ATP8A2: variants seen among roughly 807,000 people sequenced by gnomAD.
ATP8A2 encodes the protein ATPase phospholipid transporting 8A2, also known as phospholipid-transporting ATPase IB.
In ATP8A2, 100 loss-of-function variants were observed where a neutral mutation model predicts 165.6. The observed-to-expected ratio is 0.60, with a 90% confidence interval of 0.51 to 0.71. The LOEUF is 0.71. Ranked by LOEUF, ATP8A2 falls within the 30% of genes least tolerant of loss-of-function variation. ATP8A2 has a pLI of 0.00. For missense variants in ATP8A2, 1,227 were observed against 1,479.5 expected (o/e 0.83, Z 2.80); for synonymous variants, 543 against 548.8 (o/e 0.99, Z 0.15).
Position 25,563,960 on chromosome 13 carries a change from A to T in ATP8A2, c.1402A>T (p.Met468Leu), listed in dbSNP as rs1426292345. Residue 468 changes from methionine to leucine, a missense_variant, in exon 16 of 37, where the codon ATG becomes TTG. Coordinates refer to ENST00000381655, the MANE Select transcript of ATP8A2 (RefSeq NM_016529.6). ...REPSSDDFCR[M>L]PPPCSDSCDF... ...TTTCTCTGTTCTCTCTTACAGTCGGATGCCTCCTCCCTGTAGTGATTCCTG... is the reference window on the plus strand; with the variant it reads ...TTTCTCTGTTCTCTCTTACAGTCGGTTGCCTCCTCCCTGTAGTGATTCCTG... 3 of 1,609,778 alleles carry T rather than the reference A, an allele frequency of 1.9e-6. No individual in the cohort carries two copies. Among genetic ancestry groups the T allele is most frequent in the Admixed American group, 3.3e-5 (2 of 59,978 alleles).
chr13:25,419,444 G>A (rs2034233529), intron 1 of ATP8A2, among the ~76,000 whole-genome samples: 1 of 152,160 alleles, frequency 6.6e-6, no homozygotes, highest in African/African-American at 2.4e-5. Context: ...CTGTGACCTG[G>A]GAACTTTCAG....
chr13:25,425,872 G>A (rs371161125), intron 1 of ATP8A2, among the ~76,000 whole-genome samples: 1 of 152,024 alleles, frequency 6.6e-6, no homozygotes, highest in East Asian at 1.9e-4. Flanking sequence ...CACTGCGCCC[G>A]GCCAGATTGG....
At chr13:25,423,434 C>T (rs2034356024) in intron 1 of ATP8A2, among the ~76,000 whole-genome samples, 1 of 152,106 alleles carries the variant, frequency 6.6e-6, no homozygotes, top group Non-Finnish European at 1.5e-5. Context: ...GATCCTTGGT[C>T]ATGTGCATTT....
At chr13:25,745,481 A>G (rs2044011325) in intron 25 of ATP8A2, among the ~76,000 whole-genome samples, 1 of 152,224 alleles carries the variant, frequency 6.6e-6, no homozygotes, top group Admixed American at 6.5e-5. Context: ...ACGACTGGAC[A>G]TGGACATTTG....
chr13:25,479,666 C>G (rs1439841253), intron 2 of ATP8A2, among the ~76,000 whole-genome samples: 1 of 151,926 alleles, frequency 6.6e-6, no homozygotes, highest in Non-Finnish European at 1.5e-5. Flanking sequence ...TCCCTGGGTA[C>G]TTGAGATTAG....
chr13:25,964,123 G>A (rs1043682640), intron 34 of ATP8A2, among the ~76,000 whole-genome samples: 5 of 152,174 alleles, frequency 3.3e-5, no homozygotes, highest in South Asian at 2.1e-4. Context: ...CAGCTTTTCC[G>A]GGGAGCCAAC....
rs529808007 is a variant in ATP8A2 at position 25,374,173 on chromosome 13, G to A, written c.76+1885G>A. On this transcript the variant is annotated intron_variant, in intron 1 of 36. Coordinates refer to ENST00000381655, the MANE Select transcript of ATP8A2 (RefSeq NM_016529.6). The stretch of plus-strand genomic sequence containing the variant: ...TGGCCAGGGAGGTCCCCGGAAACCC[G>A]GAGGGAGTGCTCTGAAACTCAGTGT... Among the ~76,000 whole-genome samples the A allele has an allele frequency of 7.2e-5, 11 of 152,288 alleles. No individual in the cohort carries two copies. The South Asian group carries it at 1.5e-3, about 20-fold the overall frequency.
intron 9 of ATP8A2, 94 bp downstream of exon 9, chr13:25,542,140 T>C (rs2038499029): frequency 7.6e-7 from 1 of 1,317,946 alleles, no homozygotes; most frequent in Non-Finnish European, 1.1e-6. Flanking sequence ...TTTTGTAATA[T>C]TTTAAAACAG....
chr13:25,519,097 A>G (rs1056832196), intron 2 of ATP8A2, among the ~76,000 whole-genome samples: 4 of 152,070 alleles, frequency 2.6e-5, no homozygotes, highest in African/African-American at 9.7e-5. Context: ...TCCCTCCTAC[A>G]GGTGGAGCAA....
rs1408029540 is a variant in ATP8A2, at chr13:25,910,252, T to TA, written c.3183+47845dup. Among the ~76,000 whole-genome samples, 8 of 152,204 alleles carry TA rather than the reference T, an allele frequency of 5.3e-5. No individual in the cohort carries two copies. The East Asian group carries it at 1.5e-3, about 29-fold the overall frequency. ...TTTTGCTGTTTTCATAATGGAATAA[T>TA]ACTTGAATGGGTATAGGCCCTTATT... On this transcript the variant is annotated intron_variant, in intron 33 of 36. Transcript: ENST00000381655.
chr13:25,855,630 C>A (rs1952141964), intron 30 of ATP8A2, among the ~76,000 whole-genome samples: 1 of 152,064 alleles, frequency 6.6e-6, no homozygotes, highest in Non-Finnish European at 1.5e-5. Context: ...CTTTTAAGTA[C>A]AAGGCTTTGT....
At chr13:25,895,459 A>G (rs1466831429) in intron 33 of ATP8A2, among the ~76,000 whole-genome samples, 54 of 152,348 alleles carry the variant, frequency 3.5e-4, no homozygotes, top group African/African-American at 1.1e-3. Flanking sequence ...GGATTTTTGC[A>G]TCAATGTTCA....
chr13:25,400,130 C>A (rs1430211459), intron 1 of ATP8A2, among the ~76,000 whole-genome samples: 1 of 151,968 alleles, frequency 6.6e-6, no homozygotes, highest in Non-Finnish European at 1.5e-5. Context: ...CCTATGTTGC[C>A]CAGGATAGTG....
chr13:25,744,869 C>T (rs976346645), intron 25 of ATP8A2, among the ~76,000 whole-genome samples: 4 of 152,138 alleles, frequency 2.6e-5, no homozygotes, highest in Non-Finnish European at 2.9e-5. Flanking sequence ...AATGTTTTTA[C>T]GGTTGCATGA....
At chr13:25,400,813 G>T (rs2033612873) in intron 1 of ATP8A2, among the ~76,000 whole-genome samples, 1 of 152,192 alleles carries the variant, frequency 6.6e-6, no homozygotes, top group South Asian at 2.1e-4. Context: ...AGGCCTTGAG[G>T]GTTGTGGGAA....
chr13:26,009,618 G>A (rs985519289), intron 35 of ATP8A2, among the ~76,000 whole-genome samples: 4 of 152,280 alleles, frequency 2.6e-5, no homozygotes, highest in Admixed American at 2.6e-4. Context: ...ATTGAGCAGG[G>A]ACTTCTAGGG....
At chr13:25,777,226 T>C (rs2044762994) in intron 27 of ATP8A2, among the ~76,000 whole-genome samples, 1 of 152,212 alleles carries the variant, frequency 6.6e-6, no homozygotes, top group South Asian at 2.1e-4. Flanking sequence ...CTCGGGGATA[T>C]TAATTTGAAA....
At chr13:25,623,990 C>T (rs543812713) in intron 24 of ATP8A2, among the ~76,000 whole-genome samples, 5 of 151,848 alleles carry the variant, frequency 3.3e-5, no homozygotes, top group Admixed American at 3.3e-4. Flanking sequence ...GAATGGAGTG[C>T]CATCCTTCCC....
At chr13:25,540,088 TG>T (rs2038421745) in intron 7 of ATP8A2, among the ~76,000 whole-genome samples, 1 of 152,204 alleles carries the variant, frequency 6.6e-6, no homozygotes, top group African/African-American at 2.4e-5. Context: ...AGTCATTATG[TG>T]GGGCTTACAA....
Sources: gnomAD v4.1 joint callset for allele counts (sites outside exome capture counted in the v4.1 genomes callset) on GRCh38, gnomAD v4.1.1 for gene constraint, MANE v1.5 for transcripts, NCBI Gene and HGNC (gene_info 2026-07-23, HGNC 2026-07-21) for gene names.